SP4: variants seen among roughly 807,000 people sequenced by gnomAD.
SP4 encodes transcription factor Sp4.
SP4 carries 19 observed loss-of-function variants against 72.8 expected under a neutral mutation model. That is an observed-to-expected ratio of 0.26 (90% CI 0.18 to 0.38). The LOEUF (loss-of-function observed/expected upper bound fraction) is 0.38. Among genes scored for constraint, SP4 ranks in the 10% least tolerant of loss-of-function variants. SP4 has a pLI of 1.00. For missense variants in SP4, 1,008 were observed against 926.3 expected (o/e 1.09, Z -1.14); for synonymous variants, 395 against 333.1 (o/e 1.19, Z -2.02).
intron 3 of SP4, among the ~76,000 whole-genome samples, chr7:21,431,822 A>G (rs1017107245): frequency 1.8e-4 from 27 of 152,110 alleles, no homozygotes; most frequent in African/African-American, 6.5e-4. Context: ...AAATATTTCT[A>G]TTTTGATAAT....
At chr7:21,504,100 A>T (rs1456206330) in intron 5 of SP4, among the ~76,000 whole-genome samples, 1 of 151,892 alleles carries the variant, frequency 6.6e-6, no homozygotes, top group Non-Finnish European at 1.5e-5. Flanking sequence ...ACATAGTCTA[A>T]TTTCTTCGTC....
intron 3 of SP4, among the ~76,000 whole-genome samples, chr7:21,467,327 T>A (rs545436902): frequency 4.0e-4 from 61 of 152,262 alleles, no homozygotes; most frequent in African/African-American, 1.4e-3. Context: ...AATTTTTTTT[T>A]AAATCTAGTT....
chr7:21,465,299 G>C (rs1026932178), intron 3 of SP4, among the ~76,000 whole-genome samples: 10 of 152,190 alleles, frequency 6.6e-5, no homozygotes, highest in African/African-American at 2.4e-4. Context: ...AGGTGTTACT[G>C]TGTTTACCTC....
chr7:21,464,455 T>G (rs549200885), intron 3 of SP4, among the ~76,000 whole-genome samples: 2 of 152,228 alleles, frequency 1.3e-5, no homozygotes, highest in Non-Finnish European at 2.9e-5. Context: ...CTTTCCTAAC[T>G]GGTATCTCTG....
chr7:21,503,945 G>A (rs1434990306), intron 5 of SP4, among the ~76,000 whole-genome samples: 1 of 152,152 alleles, frequency 6.6e-6, no homozygotes, highest in Non-Finnish European at 1.5e-5. Context: ...GTAGATACTA[G>A]TTTTCTCATT....
At chr7:21,450,247 C>T (rs1783548297) in intron 3 of SP4, among the ~76,000 whole-genome samples, 1 of 152,036 alleles carries the variant, frequency 6.6e-6, no homozygotes, top group Non-Finnish European at 1.5e-5. Context: ...GTCAAATAGT[C>T]ATATTGTGAA....
intron 3 of SP4, among the ~76,000 whole-genome samples, chr7:21,440,193 C>T (rs551131306): frequency 3.7e-4 from 56 of 152,174 alleles, no homozygotes; most frequent in Non-Finnish European, 4.1e-4. Context: ...TCTGGGCAAA[C>T]ATCATAATTG....
chr7:21,435,933 C>T (rs147376801), intron 3 of SP4, among the ~76,000 whole-genome samples: 18 of 151,822 alleles, frequency 1.2e-4, no homozygotes, highest in African/African-American at 4.1e-4. Context: ...GATGGAGTCT[C>T]GTTCTGTCGC....
chr7:21,441,199 T>C (rs928884785), intron 3 of SP4, among the ~76,000 whole-genome samples: 1 of 152,200 alleles, frequency 6.6e-6, no homozygotes, highest in Non-Finnish European at 1.5e-5. Flanking sequence ...AAGATTGGTT[T>C]GGAAAGTGGA....
chr7:21,428,590 G>A, intron 1 of SP4, 87 bp from the exon 2 acceptor site: 1 of 1,306,100 alleles, frequency 7.7e-7, no homozygotes, highest in Non-Finnish European at 1.0e-6. Flanking sequence ...TTCGGGGGGA[G>A]GGGGGAGAAG....
rs541648717 is a variant in SP4, at chr7:21,428,277, C to A, written c.7+19C>A. 7.6e-6 allele frequency: 11 copies of A among 1,452,928 alleles called. No homozygotes were observed. The highest frequency in any genetic ancestry group is 7.0e-5 in the African/African-American group (5 of 71,148). 90.0% of individuals were successfully genotyped at this position (1,452,928 alleles called of 1,614,324 possible). Reference sequence around the variant, plus strand: ...ATGAGCGGTACGTATTCTCCACCCCCCTCAGTCTCCTTCGCCGCCTCCCTC... The same window carrying A: ...ATGAGCGGTACGTATTCTCCACCCCACTCAGTCTCCTTCGCCGCCTCCCTC... On this transcript the variant is annotated intron_variant, in intron 1 of 5. Transcript: ENST00000222584.
At chr7:21,461,602 C>A (rs975739860) in intron 3 of SP4, among the ~76,000 whole-genome samples, 1 of 152,192 alleles carries the variant, frequency 6.6e-6, no homozygotes, top group Admixed American at 6.5e-5. Flanking sequence ...CCGCGCGCAG[C>A]CCCGGTTGCC....
intron 5 of SP4, among the ~76,000 whole-genome samples, chr7:21,484,243 A>G (rs1361184824): frequency 6.6e-6 from 1 of 151,948 alleles, no homozygotes; most frequent in Non-Finnish European, 1.5e-5. Flanking sequence ...CAGATTTTGC[A>G]TGTGCACAAT....
chr7:21,450,334 T>G (rs1404226796), intron 3 of SP4, among the ~76,000 whole-genome samples: 1 of 152,202 alleles, frequency 6.6e-6, no homozygotes. Context: ...GGAAATTTGG[T>G]GGATTTTTTA....
chr7:21,430,202 A>C lies in SP4; in HGVS notation c.1037A>C (p.Gln346Pro). ...TTAGTGAGCTCAGCAGATACTGGCCAGTATGCAAGCACATCAGCCAGTAGT... is the reference window on the plus strand; with the variant it reads ...TTAGTGAGCTCAGCAGATACTGGCCCGTATGCAAGCACATCAGCCAGTAGT... ...DTLVSSADTGQYASTSASSSE... is the reference protein window; with the variant it reads ...DTLVSSADTGPYASTSASSSE... Residue 346 changes from glutamine to proline, a missense_variant, in exon 3 of 6, where the codon CAG becomes CCG. Around this residue, in one of 3 missense-constraint regions of SP4, gnomAD observed 893 missense variants for 743.3 expected, o/e 1.20. Coordinates refer to ENST00000222584, the MANE Select transcript of SP4 (RefSeq NM_003112.5). 1 of 1,614,254 alleles carries C rather than the reference A, an allele frequency of 6.2e-7. No individual in the cohort carries two copies. The highest frequency in any genetic ancestry group is 8.5e-7 in the Non-Finnish European group (1 of 1,180,044).
intron 3 of SP4, among the ~76,000 whole-genome samples, chr7:21,445,244 C>T (rs1583388727): frequency 6.6e-6 from 1 of 151,808 alleles, no homozygotes; most frequent in East Asian, 1.9e-4. Flanking sequence ...GTTGTAAAAC[C>T]CCAAAAAGAA....
chr7:21,452,929 C>T (rs1213155316), intron 3 of SP4, among the ~76,000 whole-genome samples: 2 of 151,964 alleles, frequency 1.3e-5, no homozygotes, highest in Non-Finnish European at 2.9e-5. Flanking sequence ...TCTACAGGCA[C>T]CTGCCACCGC....
chr7:21,484,976 T>C (rs1395402435), intron 5 of SP4, among the ~76,000 whole-genome samples: 1 of 151,890 alleles, frequency 6.6e-6, no homozygotes, highest in Non-Finnish European at 1.5e-5. Flanking sequence ...CCAATATACT[T>C]TAAGCTTACT....
chr7:21,482,722 T>A, intron 5 of SP4: 1 of 975,924 alleles, frequency 1.0e-6, no homozygotes, highest in Non-Finnish European at 1.2e-6. Context: ...CTCTGACATA[T>A]ATGATTAATG....
Sources: gnomAD v4.1 joint callset for allele counts (sites outside exome capture counted in the v4.1 genomes callset) on GRCh38, gnomAD v4.1.1 for gene constraint, gnomAD v4.1.1 regional missense constraint, MANE v1.5 for transcripts, NCBI Gene and HGNC (gene_info 2026-07-23, HGNC 2026-07-21) for gene names.